ZNF814: variants seen among roughly 807,000 people sequenced by gnomAD.
ZNF814 encodes zinc finger protein 814.
ZNF814 carries 5 observed loss-of-function variants against 7.5 expected under a neutral mutation model. The ratio of observed to expected loss-of-function variants is 0.67; its 90% CI spans 0.35 to 1.40. The LOEUF (loss-of-function observed/expected upper bound fraction) is 1.40. ZNF814 is among the 40% of genes most tolerant of loss of function. The probability of loss-of-function intolerance (pLI) is 0.04; values close to 1 mark genes in which losing one functional copy is unlikely to be tolerated. For synonymous variants in ZNF814, 315 were observed against 340.7 expected, an observed-to-expected ratio of 0.92 and a Z score of 0.83; for missense variants, 962 against 1,018.0, an observed-to-expected ratio of 0.94 and a Z score of 0.75.
the ZNF814 span, chr19:57,900,431 T>C: frequency 6.6e-6 from 1 of 152,220 alleles, no homozygotes; most frequent in Non-Finnish European, 1.5e-5. Context: ...ATGCACTGGT[T>C]TCTGCAGCTT....
At chr19:57,902,854 T>A in the ZNF814 span, among the ~76,000 whole-genome samples, 9 of 151,734 alleles carry the variant, frequency 5.9e-5, no homozygotes, top group African/African-American at 2.2e-4. Context: ...ATTTATTTAT[T>A]TTTTTTAGTA....
upstream of ZNF814, among the ~76,000 whole-genome samples, chr19:57,893,598 G>A (rs994716011): frequency 7.3e-5 from 11 of 151,710 alleles, no homozygotes; most frequent in African/African-American, 2.7e-4. Flanking sequence ...CCAACATGGT[G>A]AAACAACATC....
intron 1 of ZNF814, among the ~76,000 whole-genome samples, chr19:57,882,903 A>C: frequency 6.6e-6 from 1 of 152,206 alleles, no homozygotes; most frequent in South Asian, 2.1e-4. Flanking sequence ...GACCTCACCA[A>C]ACAAACTAAA....
chr19:57,891,726 A>G (rs2071735915), upstream of ZNF814, among the ~76,000 whole-genome samples: 1 of 151,750 alleles, frequency 6.6e-6, no homozygotes, highest in African/African-American at 2.4e-5. Flanking sequence ...GGCTCTGTCT[A>G]TGGAGTACCC....
chr19:57,883,442 C>T (rs753586440), intron 1 of ZNF814, among the ~76,000 whole-genome samples: 2 of 151,490 alleles, frequency 1.3e-5, no homozygotes, highest in Non-Finnish European at 2.9e-5. Flanking sequence ...GCGGATGGAT[C>T]ATGAGGTCAA....
the ZNF814 span, chr19:57,900,351 C>A: frequency 7.2e-5 from 11 of 152,186 alleles, no homozygotes; most frequent in African/African-American, 2.7e-4. Context: ...AAAGACATTC[C>A]CCTTTCTATA....
the ZNF814 span, among the ~76,000 whole-genome samples, chr19:57,902,464 C>T: frequency 1.3e-5 from 2 of 152,082 alleles, no homozygotes; most frequent in Non-Finnish European, 2.9e-5. Context: ...ATATCTCCTG[C>T]CATAGGACAG....
At chr19:57,884,071 G>T (rs2071670373) in intron 1 of ZNF814, among the ~76,000 whole-genome samples, 1 of 152,114 alleles carries the variant, frequency 6.6e-6, no homozygotes, top group African/African-American at 2.4e-5. Context: ...AAGACTTCTT[G>T]AGTAATACCT....
the ZNF814 span, among the ~76,000 whole-genome samples, chr19:57,905,047 C>CCAA: frequency 1.9e-5 from 1 of 53,430 alleles, no homozygotes; most frequent in African/African-American, 8.7e-5. Flanking sequence ...AACTCCGTCT[C>CCAA]AAAAAAAAAA....
chr19:57,894,385 G>GAA, the ZNF814 span, among the ~76,000 whole-genome samples: 1 of 150,854 alleles, frequency 6.6e-6, no homozygotes, highest in Non-Finnish European at 1.5e-5. Context: ...AAAAGAAGCC[G>GAA]ATTTGCCCAA....
chr19:57,889,445 G>A (rs1217057092), upstream of ZNF814, among the ~76,000 whole-genome samples: 1 of 152,176 alleles, frequency 6.6e-6, no homozygotes, highest in Non-Finnish European at 1.5e-5. Flanking sequence ...CCCTAAGGTT[G>A]GGGTTAGGGT....
upstream of ZNF814, among the ~76,000 whole-genome samples, chr19:57,891,524 C>CA (rs557386723): frequency 0.18 from 21,527 of 119,302 alleles, 1,972 homozygotes; most frequent in East Asian, 0.37. Flanking sequence ...GACTCCGCCT[C>CA]AAAAAAAAAA....
chr19:57,883,845 C>T (rs2071668296), intron 1 of ZNF814, among the ~76,000 whole-genome samples: 1 of 151,792 alleles, frequency 6.6e-6, no homozygotes, highest in Non-Finnish European at 1.5e-5. Flanking sequence ...GCAACCTCCA[C>T]CTCCCAGGTT....
intron 1 of ZNF814, among the ~76,000 whole-genome samples, chr19:57,886,133 G>A (rs2071691692): frequency 1.3e-5 from 2 of 151,974 alleles, no homozygotes; most frequent in African/African-American, 2.4e-5. Flanking sequence ...CATATAGGTC[G>A]GGGTCAGTAC....
intron 1 of ZNF814, among the ~76,000 whole-genome samples, chr19:57,887,774 G>C (rs1364518619): frequency 6.6e-6 from 1 of 152,160 alleles, no homozygotes; most frequent in African/African-American, 2.4e-5. Flanking sequence ...AACCATGTAT[G>C]AAGTTCCCAG....
At position 57,874,774 on chromosome 19, in the gene ZNF814, G is replaced by C. The variant is rs1181788319; in HGVS notation, c.616C>G (p.Pro206Ala). The C allele has an allele frequency of 6.2e-7, 1 of 1,614,042 alleles. No homozygotes were observed. The highest frequency in any genetic ancestry group is 1.1e-5 in the South Asian group (1 of 91,078). Residue 206 changes from proline (P) to alanine (A), a missense_variant, in exon 3 of 3, where the codon CCC becomes GCC. Transcript: ENST00000435989. ...KSNSKTECVS[P>A]IQCGGAHYSC... ...TAGTGAGCTCCCCCACACTGAATGG[G>C]AGACACACACTCAGTTTTGCTGTTT...
the ZNF814 span, among the ~76,000 whole-genome samples, chr19:57,901,061 C>A: frequency 4.0e-5 from 6 of 149,816 alleles, no homozygotes; most frequent in East Asian, 1.2e-3. Flanking sequence ...TGGTCTTGAT[C>A]TCCTGACCTC....
chr19:57,904,840 C>CAG, the ZNF814 span, among the ~76,000 whole-genome samples: 1 of 151,948 alleles, frequency 6.6e-6, no homozygotes, highest in African/African-American at 2.4e-5. Flanking sequence ...CACCTGAGGT[C>CAG]GAGCGTTCCT....
At chr19:57,877,500 T>C (rs1026471065) in intron 1 of ZNF814, among the ~76,000 whole-genome samples, 1 of 152,108 alleles carries the variant, frequency 6.6e-6, no homozygotes, top group Non-Finnish European at 1.5e-5. Context: ...CTGAATGTAG[T>C]GGCATGATCT....
Sources: gnomAD v4.1 joint callset for allele counts (sites outside exome capture counted in the v4.1 genomes callset) on GRCh38, gnomAD v4.1.1 for gene constraint, MANE v1.5 for transcripts, NCBI Gene and HGNC (gene_info 2026-07-23, HGNC 2026-07-21) for gene names.